The following NCOR2 variants were observed in gnomAD, a reference collection of about 807,000 sequenced individuals.
NCOR2 encodes CTG repeat protein 26.
In NCOR2, 81 loss-of-function variants were observed where a neutral mutation model predicts 262.9. The observed-to-expected ratio is 0.31, with a 90% CI of 0.26 to 0.37. NCOR2 has a LOEUF of 0.37. Among genes scored for constraint, NCOR2 ranks in the 10% least tolerant of loss-of-function variants. NCOR2 has a pLI of 1.00. For synonymous variants in NCOR2, 1,659 were observed against 1,559.3 expected (o/e 1.06, Z -1.51); for missense variants, 3,385 against 3,621.4 (o/e 0.93, Z 1.68).
chr12:124,336,477 G>A (rs1339945062), intron 38 of NCOR2: 16 of 576,304 alleles, frequency 2.8e-5, no homozygotes, highest in Non-Finnish European at 4.0e-5. Flanking sequence ...GGGCAGGCGC[G>A]GCCGGAGTAG....
rs2052229320 is a variant in NCOR2 at position 124,566,124 on chromosome 12, C to T, written c.-165+1184G>A. 6.6e-6 allele frequency among the ~76,000 whole-genome samples: 1 copy of T among 152,116 alleles called. No individual in the cohort carries two copies. Among genetic ancestry groups the T allele is most frequent in the African/African-American group, 2.4e-5 (1 of 41,428 alleles). On this transcript the variant is annotated intron_variant, in intron 1 of 32. Transcript: ENST00000458234. This position sits in a 1 kb window ranked among gnomAD's most constrained non-coding sequence, Gnocchi z 4.3. The stretch of plus-strand genomic sequence containing the variant: ...CAGGGTCCTCCCCTTATCCCCTCCT[C>T]CCCTCTTCCCTCCCTCACACATCCT...
At chr12:124,329,207 TC>T in intron 44 of NCOR2, 1 of 461,958 alleles carries the variant, frequency 2.2e-6, no homozygotes. Context: ...ACGCCTGTAA[TC>T]CCAGCACTTT....
chr12:124,336,976 G>A lies in NCOR2; in HGVS notation c.5892C>T (p.Ser1964=), dbSNP rs376833353. 2.9e-4 allele frequency: 434 copies of A among 1,518,100 alleles called. 1 individual carries two copies. In the East Asian group the frequency reaches 3.4e-3, roughly 12 times the overall value. The allele number at this position is 1,518,100 out of a possible 1,614,324, so 94.0% of individuals were successfully genotyped here. Residue 1964 remains serine (S), a synonymous_variant, in exon 38 of 47, where the codon TCC becomes TCT. Coordinates refer to ENST00000405201, the Ensembl canonical transcript of NCOR2. ...TGGGGGAGGAGGCGGGCTCCAGCCCGGAGCGGGCTGGGGGCTTGGCGAGGA... is the reference window on the plus strand; with the variant it reads ...TGGGGGAGGAGGCGGGCTCCAGCCCAGAGCGGGCTGGGGGCTTGGCGAGGA...
At chr12:124,329,155 A>T (rs1187552822) in intron 44 of NCOR2, 1 of 470,030 alleles carries the variant, frequency 2.1e-6, no homozygotes, top group Admixed American at 2.3e-5. Context: ...TTGTGGACTA[A>T]AACTGCATAA....
At chr12:124,336,840 C>G (rs751521938) in exon 38 of NCOR2, 7 of 1,612,244 alleles carry the variant, frequency 4.3e-6, no homozygotes, top group Non-Finnish European at 5.9e-6. Flanking sequence ...GCAGGTGGCG[C>G]CGGCGGGTCC....
chr12:124,403,178 G>C (rs904929648), intron 13 of NCOR2, among the ~76,000 whole-genome samples: 1 of 152,098 alleles, frequency 6.6e-6, no homozygotes, highest in Non-Finnish European at 1.5e-5. Flanking sequence ...TCTGTAAAAC[G>C]GGGAGGTGGG....
chr12:124,506,893 C>G (rs1270994685), intron 1 of NCOR2, among the ~76,000 whole-genome samples: 1 of 152,192 alleles, frequency 6.6e-6, no homozygotes, highest in East Asian at 1.9e-4. Flanking sequence ...CAGAGTGGGG[C>G]TCAGGGAGCT....
intron 8 of NCOR2, among the ~76,000 whole-genome samples, chr12:124,431,683 TACAC>T (rs1477700400): frequency 1.2e-4 from 16 of 131,344 alleles, no homozygotes; most frequent in African/African-American, 3.8e-4. Flanking sequence ...GACACACAGA[TACAC>T]ACACATACAG....
rs548052950 is a variant in NCOR2 at position 124,386,239 on chromosome 12, A to G, written c.1877-352T>C. ...GGAGGGCTGTGAATATCCAGAACGC[A>G]CAGCCTCTGCCCAGGCCCCACCTCT... On this transcript the variant is annotated intron_variant, in intron 16 of 46. Coordinates refer to ENST00000405201, the Ensembl canonical transcript of NCOR2. Among the ~76,000 whole-genome samples, 3 of 152,184 alleles carry G rather than the reference A, an allele frequency of 2.0e-5. 1 individual carries two copies. The South Asian group carries it at 6.2e-4, about 32-fold the overall frequency.
chr12:124,327,414 G>A (rs368691194), exon 45 of NCOR2: 15 of 1,609,098 alleles, frequency 9.3e-6, no homozygotes, highest in South Asian at 3.3e-5. Flanking sequence ...CAGACCTGGC[G>A]AGGTGAGTGT....
In NCOR2 at chr12:124,457,115, C is replaced by T. The variant is rs1317849492; in HGVS notation, c.753G>A (p.Gln251=). 1 of 1,529,674 alleles carries T rather than the reference C, an allele frequency of 6.5e-7. No individual in the cohort carries two copies. The highest frequency in any genetic ancestry group is 1.3e-5 in the South Asian group (1 of 79,492). The allele number at this position is 1,529,674 out of a possible 1,614,324, so 94.8% of individuals were successfully genotyped here. ...CTGTACCCCAGCTCACCAGCTCCACCTGGGGCCCCAGGCCTTCCAGAATCC... is the reference window on the plus strand; with the variant it reads ...CTGTACCCCAGCTCACCAGCTCCACTTGGGGCCCCAGGCCTTCCAGAATCC... The change falls in exon 6 of 47, where the codon CAG becomes CAA. Residue 251 remains glutamine, a synonymous_variant. Coordinates refer to ENST00000405201, the Ensembl canonical transcript of NCOR2. This position sits in a 1 kb window ranked among gnomAD's most constrained non-coding sequence, Gnocchi z 4.0.
chr12:124,418,568 C>T (rs932351680), intron 13 of NCOR2, among the ~76,000 whole-genome samples: 5 of 152,326 alleles, frequency 3.3e-5, no homozygotes, highest in African/African-American at 1.2e-4. Context: ...CACAGTCCAA[C>T]CAGCCTTGTG....
chr12:124,363,978 C>G (rs771285229), intron 20 of NCOR2, among the ~76,000 whole-genome samples, 179 bp from the exon 23 acceptor site: 1 of 152,208 alleles, frequency 6.6e-6, no homozygotes, highest in Non-Finnish European at 1.5e-5. Context: ...CTTGGGAAAA[C>G]AGACCAAGAT....
chr12:124,451,224 C>A (rs184255128), intron 6 of NCOR2, among the ~76,000 whole-genome samples: 1 of 152,366 alleles, frequency 6.6e-6, no homozygotes, highest in East Asian at 1.9e-4. Context: ...ACAACGCCGG[C>A]CCCCCGACTC....
chr12:124,344,613 C>T (rs1218803734), exon 32 of NCOR2: 20 of 1,454,302 alleles, frequency 1.4e-5, no homozygotes, highest in Non-Finnish European at 1.6e-5. Context: ...GCAGGCGCGG[C>T]GTGGGCTCCC....
intron 7 of NCOR2, among the ~76,000 whole-genome samples, chr12:124,447,799 C>A (rs768555487): frequency 6.6e-6 from 1 of 151,724 alleles, no homozygotes; most frequent in Non-Finnish European, 1.5e-5. Flanking sequence ...TGGGCTCAAG[C>A]GATTCTCCCT....
rs1037119002 is a variant in NCOR2 at position 124,378,091 on chromosome 12, G to A, written c.2167+146C>T. 17 of 1,473,014 alleles carry A rather than the reference G, an allele frequency of 1.2e-5. No homozygotes were observed. Among genetic ancestry groups the A allele is most frequent in the Non-Finnish European group, 1.4e-5 (16 of 1,108,924 alleles). 91.2% of individuals were successfully genotyped at this position (1,473,014 alleles called of 1,614,324 possible). A position where few individuals can be genotyped will look rare whatever the true frequency, so the allele number is the denominator to read the frequency against. On this transcript the variant is annotated intron_variant, in intron 18 of 46. Coordinates refer to ENST00000405201, the Ensembl canonical transcript of NCOR2. This position sits in a 1 kb window ranked among gnomAD's most constrained non-coding sequence, Gnocchi z 4.2. ...GGTGAGTTTCTGGCAAGTCAGGCCC[G>A]CACCTTCCAGGGAGTCGAGGCCCCT... is the stretch of plus-strand genomic sequence containing the variant.
At chr12:124,356,572 C>A in intron 23 of NCOR2, 70 bp downstream of exon 25, 1 of 1,279,352 alleles carries the variant, frequency 7.8e-7, no homozygotes, top group Non-Finnish European at 1.0e-6. Flanking sequence ...CAGCTCTGAG[C>A]CAGTGCAAAC....
At chr12:124,541,899 GGGAGGGGGTGGAGAGTT>G (rs2051375814) in intron 1 of NCOR2, among the ~76,000 whole-genome samples, 2 of 128,336 alleles carry the variant, frequency 1.6e-5, no homozygotes, top group Admixed American at 1.5e-4. Flanking sequence ...GAGCTGGAGG[GGGAGGGGGTGGAGAGTT>G]GGAGGGGGAT....
Sources: gnomAD v4.1 joint callset for allele counts (sites outside exome capture counted in the v4.1 genomes callset) on GRCh38, gnomAD v4.1.1 for gene constraint, Gnocchi (gnomAD v3.1) non-coding constraint, MANE v1.5 for transcripts, NCBI Gene and HGNC (gene_info 2026-07-23, HGNC 2026-07-21) for gene names.